The following TMPRSS11A variants were observed in gnomAD, a reference collection of about 807,000 sequenced individuals.
The protein encoded by TMPRSS11A is transmembrane protease serine 11A.
Under a neutral mutation model 58.9 loss-of-function variants are expected in TMPRSS11A, and 53 were observed. The observed-to-expected ratio is 0.90, with a 90% CI of 0.72 to 1.13. The LOEUF (loss-of-function observed/expected upper bound fraction) is 1.13. TMPRSS11A is among the 50% of genes most tolerant of loss of function. TMPRSS11A has a pLI of 0.00. For synonymous variants in TMPRSS11A, 167 were observed against 169.8 expected, an observed-to-expected ratio of 0.98 and a Z score of 0.13; for missense variants, 493 against 499.3, an observed-to-expected ratio of 0.99 and a Z score of 0.12.
In TMPRSS11A at chr4:67,919,212, C is replaced by A; in HGVS notation, c.713G>T (p.Trp238Leu). Residue 238 changes from tryptophan (W) to leucine (L), a missense_variant, in exon 8 of 10, where the codon TGG becomes TTG. By Grantham distance (61) the Trp-to-Leu change is moderately conservative. Transcript: ENST00000508048. The part of the protein sequence containing the change: ...CFQKYKNPHQ[W>L]TVSFGTKINP... ...GATTTTTGTTCCAAAACTAACAGTC[C>A]ATTGATGTGGATTTTTATACCTGGA... is the stretch of plus-strand genomic sequence containing the variant. 1 of 1,613,820 alleles carries A rather than the reference C, an allele frequency of 6.2e-7. No individual in the cohort carries two copies. The highest frequency in any genetic ancestry group is 8.5e-7 in the Non-Finnish European group (1 of 1,179,872).
chr4:67,927,733 C>A (rs1720511649), intron 5 of TMPRSS11A, among the ~76,000 whole-genome samples: 1 of 152,228 alleles, frequency 6.6e-6, no homozygotes, highest in Non-Finnish European at 1.5e-5. Context: ...AAACACTGTT[C>A]TTTCTACATT....
At chr4:67,944,683 A>G (rs750424058) in intron 2 of TMPRSS11A, 46 bp from the exon 3 acceptor site, 1 of 1,557,374 alleles carries the variant, frequency 6.4e-7, no homozygotes, top group Middle Eastern at 2.0e-4. Context: ...TTGGACAAAG[A>G]TTTCAGAACT....
intron 1 of TMPRSS11A, among the ~76,000 whole-genome samples, chr4:67,952,159 C>T (rs1286857924): frequency 6.6e-6 from 1 of 152,230 alleles, no homozygotes; most frequent in Non-Finnish European, 1.5e-5. Context: ...TCTCCAAACA[C>T]TGCTGTCAGC....
At chr4:67,955,824 C>G (rs1316208703) in intron 1 of TMPRSS11A, among the ~76,000 whole-genome samples, 1 of 152,114 alleles carries the variant, frequency 6.6e-6, no homozygotes, top group Non-Finnish European at 1.5e-5. Flanking sequence ...TCAAGCTGTG[C>G]TATGACATTG....
rs774071954 is a variant in TMPRSS11A at position 67,963,415 on chromosome 4, C to G, written c.-22G>C. 1 of 1,613,588 alleles carries G rather than the reference C, an allele frequency of 6.2e-7. No homozygotes were observed. The highest frequency in any genetic ancestry group is 8.5e-7 in the Non-Finnish European group (1 of 1,179,776). ...TCATGTACAGGAGGAAGAATATGATCTTGCAGGTCTGCACCCACTGAACTC... is the reference window on the plus strand; with the variant it reads ...TCATGTACAGGAGGAAGAATATGATGTTGCAGGTCTGCACCCACTGAACTC... On this transcript the variant is annotated 5_prime_UTR_variant, in exon 1 of 10. Coordinates refer to ENST00000508048, the MANE Select transcript of TMPRSS11A (RefSeq NM_001114387.2).
intron 8 of TMPRSS11A, among the ~76,000 whole-genome samples, chr4:67,915,283 G>A (rs1218221851): frequency 2.6e-5 from 4 of 152,126 alleles, no homozygotes; most frequent in Admixed American, 2.6e-4. Context: ...CAGACTGTAA[G>A]CTAGGTTCTG....
chr4:67,958,769 G>C (rs1206185632), intron 1 of TMPRSS11A, among the ~76,000 whole-genome samples: 5 of 152,118 alleles, frequency 3.3e-5, no homozygotes, highest in African/African-American at 1.2e-4. Flanking sequence ...TGGTTTGGCT[G>C]TGTCCCCACC....
At chr4:67,943,846 C>T (rs912728588) in intron 3 of TMPRSS11A, among the ~76,000 whole-genome samples, 2 of 152,050 alleles carry the variant, frequency 1.3e-5, no homozygotes, top group African/African-American at 4.8e-5. Context: ...CAAACCAATA[C>T]ATTTGTCATT....
At chr4:67,947,126 TGTGAAATAAAACATC>T (rs1397909263) in intron 1 of TMPRSS11A, among the ~76,000 whole-genome samples, 1 of 152,184 alleles carries the variant, frequency 6.6e-6, no homozygotes, top group African/African-American at 2.4e-5. Context: ...TATATTTTAA[TGTGAAATAAAACATC>T]GTGACTTTTT....
At position 67,953,962 on chromosome 4, in the gene TMPRSS11A, T is replaced by C. The variant is rs189719986; in HGVS notation, c.12-7391A>G. On this transcript the variant is annotated intron_variant, in intron 1 of 9. Coordinates refer to ENST00000508048, the MANE Select transcript of TMPRSS11A (RefSeq NM_001114387.2). ...TCCTTCTGCCTCTAACTCCCAGATATGAGTAGGGGTGAGGTGGAGCAAAGA... is the reference window on the plus strand; with the variant it reads ...TCCTTCTGCCTCTAACTCCCAGATACGAGTAGGGGTGAGGTGGAGCAAAGA... Among the ~76,000 whole-genome samples, 758 of 152,090 alleles carry C rather than the reference T, an allele frequency of 5.0e-3. 15 individuals carry two copies. Among genetic ancestry groups the C allele is most frequent in the Non-Finnish European group, 9.6e-4 (65 of 67,986 alleles).
chr4:67,915,203 T>C (rs1720114541), intron 8 of TMPRSS11A, among the ~76,000 whole-genome samples: 1 of 152,024 alleles, frequency 6.6e-6, no homozygotes, highest in Non-Finnish European at 1.5e-5. Context: ...ACATATATTA[T>C]ACATCATATA....
chr4:67,956,904 G>T (rs941844293), intron 1 of TMPRSS11A, among the ~76,000 whole-genome samples: 8 of 152,202 alleles, frequency 5.3e-5, no homozygotes, highest in African/African-American at 1.7e-4. Context: ...TTGTGGGAGA[G>T]ACCCAATGGG....
chr4:67,946,818 G>C (rs533429843), intron 1 of TMPRSS11A, among the ~76,000 whole-genome samples: 1 of 152,182 alleles, frequency 6.6e-6, no homozygotes, highest in African/African-American at 2.4e-5. Context: ...GGTCAGGAAT[G>C]GTTTCTCTTA....
intron 3 of TMPRSS11A, among the ~76,000 whole-genome samples, chr4:67,943,908 T>G (rs1407588395): frequency 6.6e-6 from 1 of 152,176 alleles, no homozygotes; most frequent in Non-Finnish European, 1.5e-5. Context: ...TTAGAAAAAT[T>G]AATTTGAACC....
intron 7 of TMPRSS11A, among the ~76,000 whole-genome samples, chr4:67,921,972 T>C (rs73823311): frequency 0.029 from 4,364 of 152,334 alleles, 205 homozygotes; most frequent in African/African-American, 0.1. Flanking sequence ...GGTTATTATC[T>C]TGAAAAGTAA....
At chr4:67,958,701 T>A (rs1222251864) in intron 1 of TMPRSS11A, among the ~76,000 whole-genome samples, 1 of 152,166 alleles carries the variant, frequency 6.6e-6, no homozygotes, top group African/African-American at 2.4e-5. Context: ...TGGGAAGGCA[T>A]GATTCGTTTT....
chr4:67,911,596 T>C, intron 9 of TMPRSS11A, 93 bp from the exon 10 acceptor site: 1 of 980,470 alleles, frequency 1.0e-6, no homozygotes, highest in Non-Finnish European at 1.5e-6. Context: ...ATTTTGTTAC[T>C]AGACAGTACA....
chr4:67,916,216 ATACTT>A (rs1293360082), intron 8 of TMPRSS11A, among the ~76,000 whole-genome samples: 1 of 152,178 alleles, frequency 6.6e-6, no homozygotes, highest in Non-Finnish European at 1.5e-5. Flanking sequence ...TACATATACT[ATACTT>A]CAACACATTA....
chr4:67,931,247 G>A (rs192152540), intron 4 of TMPRSS11A, among the ~76,000 whole-genome samples: 35 of 152,222 alleles, frequency 2.3e-4, no homozygotes, highest in Non-Finnish European at 4.6e-4. Context: ...TCAAGACATA[G>A]AGAACTTTGA....
Sources: gnomAD v4.1 joint callset for allele counts (sites outside exome capture counted in the v4.1 genomes callset) on GRCh38, gnomAD v4.1.1 for gene constraint, MANE v1.5 for transcripts, NCBI Gene and HGNC (gene_info 2026-07-23, HGNC 2026-07-21) for gene names.